Variants in CFI observed in about 807,000 individuals in gnomAD.
The protein encoded by CFI is complement factor I, also known as C3B/C4B inactivator.
A neutral mutation model predicts 78.8 loss-of-function variants in CFI; 66 were observed. That is an observed-to-expected ratio of 0.84 (90% CI 0.69 to 1.03). The LOEUF is 1.03. Among genes scored for constraint, CFI ranks in the 50% least tolerant of loss-of-function variants. The probability of loss-of-function intolerance (pLI) is 0.00; values close to 1 mark genes in which losing one functional copy is unlikely to be tolerated. For missense variants in CFI, 706 were observed against 704.5 expected (o/e 1.00, Z -0.02); for synonymous variants, 250 against 232.6 (o/e 1.07, Z -0.68).
At chr4:109,782,396 T>A (rs1730158495) in intron 1 of CFI, among the ~76,000 whole-genome samples, 1 of 127,776 alleles carries the variant, frequency 7.8e-6, no homozygotes, top group Non-Finnish European at 1.7e-5. Context: ...AAGCACAGAA[T>A]CAAATCAAGA....
chr4:109,770,160 A>G (rs1728383384), intron 1 of CFI, among the ~76,000 whole-genome samples: 1 of 152,196 alleles, frequency 6.6e-6, no homozygotes, highest in African/African-American at 2.4e-5. Flanking sequence ...AAATGGAGTC[A>G]CTTATGCTAA....
intron 8 of CFI, among the ~76,000 whole-genome samples, chr4:109,750,749 T>A (rs1168232146): frequency 6.6e-6 from 1 of 152,170 alleles, no homozygotes; most frequent in Non-Finnish European, 1.5e-5. Flanking sequence ...AATATTGCTG[T>A]TAATAATTTT....
chr4:109,759,154 G>A (rs550190928), intron 6 of CFI, among the ~76,000 whole-genome samples: 20 of 151,050 alleles, frequency 1.3e-4, no homozygotes, highest in East Asian at 4.0e-4. Flanking sequence ...AAAAAAAAGT[G>A]TTCATTTGTC....
chr4:109,777,294 G>A (rs1186024879), intron 1 of CFI, among the ~76,000 whole-genome samples: 1 of 151,990 alleles, frequency 6.6e-6, no homozygotes, highest in African/African-American at 2.4e-5. Context: ...CCAAGAAAAT[G>A]GAAAACAAAA....
At position 109,799,949 on chromosome 4, in the gene CFI, C is replaced by A. The variant is rs181637666; in HGVS notation, c.57+1966G>T. ...TACCATTTTTAGTTGCCTGTTCCTG[C>A]ATTCAACATTTTCTTAGGTGCTATA... On this transcript the variant is annotated intron_variant, in intron 1 of 12. Transcript: ENST00000394634. Among the ~76,000 whole-genome samples the A allele has an allele frequency of 3.9e-5, 6 of 152,338 alleles. No homozygotes were observed. In the East Asian group the frequency reaches 1.2e-3, roughly 29 times the overall value.
intron 2 of CFI, among the ~76,000 whole-genome samples, chr4:109,765,254 G>A (rs939540402): frequency 1.3e-5 from 2 of 152,096 alleles, no homozygotes; most frequent in East Asian, 3.9e-4. Flanking sequence ...TCTTAACTCA[G>A]CATCTCAAAA....
chr4:109,787,051 C>T (rs368131626), intron 1 of CFI, among the ~76,000 whole-genome samples: 1 of 152,008 alleles, frequency 6.6e-6, no homozygotes, highest in African/African-American at 2.4e-5. Flanking sequence ...AAAGAAGAAC[C>T]AGCCCTTCTG....
At position 109,760,609 on chromosome 4, in the gene CFI, C is replaced by A; in HGVS notation, c.686G>T (p.Cys229Phe). Residue 229 changes from cysteine to phenylalanine, a missense_variant, in exon 5 of 13, where the codon TGT becomes TTT. By Grantham distance (205) the Cys-to-Phe change is radical. Transcript: ENST00000394634. ...CTGAGAAATGTATTTCCCATTCACA[C>A]ACTGAAAGAAGTCATCCATTGGAGA... ...ADSPMDDFFQ[C>F]VNGKYISQMK... 1.2e-6 allele frequency: 2 copies of A among 1,606,816 alleles called. No homozygotes were observed. Among genetic ancestry groups the A allele is most frequent in the East Asian group, 4.5e-5 (2 of 44,816 alleles).
At chr4:109,747,156 T>C (rs1165707438) in intron 10 of CFI, among the ~76,000 whole-genome samples, 1 of 152,148 alleles carries the variant, frequency 6.6e-6, no homozygotes, top group Non-Finnish European at 1.5e-5. Context: ...TATGCTTCAC[T>C]ACATTTTCAT....
intron 1 of CFI, among the ~76,000 whole-genome samples, chr4:109,791,039 G>A (rs1731313830): frequency 1.3e-5 from 2 of 152,146 alleles, no homozygotes; most frequent in Admixed American, 6.6e-5. Flanking sequence ...GTTCCACAAT[G>A]GTTGAGCTAA....
intron 1 of CFI, among the ~76,000 whole-genome samples, chr4:109,795,836 A>G (rs1579322180): frequency 6.6e-6 from 1 of 152,196 alleles, no homozygotes; most frequent in Non-Finnish European, 1.5e-5. Context: ...GAAAAAGTAT[A>G]AAGACTACAG....
rs1727792524 is a variant in CFI at position 109,766,642 on chromosome 4, T to G, written c.240A>C (p.Arg80Ser). The G allele has an allele frequency of 1.9e-6, 3 of 1,614,198 alleles. No homozygotes were observed. The highest frequency in any genetic ancestry group is 2.5e-6 in the Non-Finnish European group (3 of 1,180,030). Residue 80 changes from arginine (R) to serine (S), a missense_variant, in exon 2 of 13, where the codon AGA (arginine) becomes AGC (serine). Transcript: ENST00000394634. ...NGTAVCATNR[R>S]SFPTYCQQKS... is the part of the protein sequence containing the mutation. ...TTTGTTGACAGTATGTTGGGAAGCT[T>G]CTCCTGTTAGTTGCACACACTGCAG...
chr4:109,750,444 A>C (rs975347242), intron 8 of CFI, among the ~76,000 whole-genome samples: 3 of 151,996 alleles, frequency 2.0e-5, no homozygotes, highest in African/African-American at 7.3e-5. Flanking sequence ...CATCCTATTA[A>C]CCCTGAGAGA....
At chr4:109,776,284 G>A (rs1409175416) in intron 1 of CFI, among the ~76,000 whole-genome samples, 1 of 152,202 alleles carries the variant, frequency 6.6e-6, no homozygotes, top group Non-Finnish European at 1.5e-5. Context: ...TAAATGACCT[G>A]ATGGAGCTGA....
At chr4:109,772,971 G>C (rs976724430) in intron 1 of CFI, among the ~76,000 whole-genome samples, 2 of 152,152 alleles carry the variant, frequency 1.3e-5, no homozygotes, top group Non-Finnish European at 2.9e-5. Context: ...AAAATAGAAA[G>C]ATTGCATTTT....
At chr4:109,736,520 G>C (rs558437586), downstream of CFI, among the ~76,000 whole-genome samples, 1 of 152,286 alleles carries the variant, frequency 6.6e-6, no homozygotes, top group African/African-American at 2.4e-5. Context: ...GCAAGAGATG[G>C]CTGCACCAGA....
chr4:109,753,625 A>G (rs1271953717), intron 7 of CFI, among the ~76,000 whole-genome samples: 1 of 98,062 alleles, frequency 1.0e-5, no homozygotes, highest in South Asian at 3.4e-4. Flanking sequence ...TTATATATTT[A>G]TTATAATATG....
the CFI span, among the ~76,000 whole-genome samples, chr4:109,731,375 C>T: frequency 2.5e-4 from 38 of 152,168 alleles, no homozygotes; most frequent in East Asian, 7.3e-3. Context: ...AAGTATTGGG[C>T]ATAGGTGTGT....
Position 109,743,283 on chromosome 4 carries a change from T to A in CFI, c.1430-688A>T, listed in dbSNP as rs569035913. On this transcript the variant is annotated intron_variant, in intron 11 of 12. Transcript: ENST00000394634. ...GCCTTCCTTAGAACAAGAGCTTTTT[T>A]AAAAATAGTAATTTCTTATTTCCTC... is the stretch of plus-strand genomic sequence containing the variant. Among the ~76,000 whole-genome samples, 221 of 152,348 alleles carry A rather than the reference T, an allele frequency of 1.5e-3. 1 individual carries two copies. Among genetic ancestry groups the A allele is most frequent in the Non-Finnish European group, 2.8e-3 (193 of 68,034 alleles).
Sources: gnomAD v4.1 joint callset for allele counts (sites outside exome capture counted in the v4.1 genomes callset) on GRCh38, gnomAD v4.1.1 for gene constraint, MANE v1.5 for transcripts, NCBI Gene and HGNC (gene_info 2026-07-23, HGNC 2026-07-21) for gene names.